Variants in MRTFB observed in about 807,000 individuals in gnomAD.
MRTFB encodes the protein myocardin related transcription factor B.
In MRTFB, 29 loss-of-function variants were observed where a neutral mutation model predicts 104.2. The observed-to-expected ratio is 0.28, with a 90% CI of 0.21 to 0.38. The LOEUF is 0.38. MRTFB is among the 10% of genes least tolerant of loss of function. The pLI, the probability that MRTFB is intolerant of heterozygous loss-of-function variation, is 1.00. For synonymous variants in MRTFB, 535 were observed against 519.5 expected, an observed-to-expected ratio of 1.03 and a Z score of -0.41; for missense variants, 1,270 against 1,341.6, an observed-to-expected ratio of 0.95 and a Z score of 0.83.
In MRTFB at chr16:14,261,227, A is replaced by G. The variant is rs2043765581; in HGVS notation, c.3083A>G (p.His1028Arg). Residue 1028 changes from histidine to arginine, a missense_variant, in exon 17 of 17, where the codon CAT becomes CGT. Transcript: ENST00000571589. ...DLLSHSGMLD[H>R]SHSPMETSET... Reference sequence around the variant, plus strand: ...CTGAGTCACTCAGGTATGCTGGACCATTCACACTCACCCATGGAGACTTCC... The same window carrying G: ...CTGAGTCACTCAGGTATGCTGGACCGTTCACACTCACCCATGGAGACTTCC... 6.2e-7 allele frequency: 1 copy of G among 1,614,052 alleles called. No individual in the cohort carries two copies. The highest frequency in any genetic ancestry group is 8.5e-7 in the Non-Finnish European group (1 of 1,180,036).
the MRTFB span, among the ~76,000 whole-genome samples, chr16:14,047,692 C>G: frequency 6.6e-6 from 1 of 152,192 alleles, no homozygotes; most frequent in Admixed American, 6.5e-5. Context: ...CATCAGAACT[C>G]ATGAGACTTA....
chr16:14,087,037 G>A (rs2034748650), intron 2 of MRTFB, among the ~76,000 whole-genome samples: 1 of 152,116 alleles, frequency 6.6e-6, no homozygotes, highest in African/African-American at 2.4e-5. Flanking sequence ...TACAGAATTT[G>A]TAGCAGTAGA....
At chr16:14,058,681 A>ATATT in the MRTFB span, among the ~76,000 whole-genome samples, 11 of 137,758 alleles carry the variant, frequency 8.0e-5, no homozygotes, top group Admixed American at 2.2e-4. Flanking sequence ...AAACTAAAAC[A>ATATT]TATTTATTTA....
At chr16:14,166,178 G>T (rs1156735929) in intron 3 of MRTFB, among the ~76,000 whole-genome samples, 1 of 151,202 alleles carries the variant, frequency 6.6e-6, no homozygotes, top group East Asian at 1.9e-4. Context: ...CTTGTGTGTG[G>T]AGGAGGAAAC....
chr16:14,106,310 TG>T (rs1378505479), intron 2 of MRTFB, among the ~76,000 whole-genome samples: 1 of 152,144 alleles, frequency 6.6e-6, no homozygotes, highest in Admixed American at 6.6e-5. Flanking sequence ...TGTAGCAATT[TG>T]CCAGTAGAGA....
intron 8 of MRTFB, among the ~76,000 whole-genome samples, chr16:14,226,953 C>G (rs372299101): frequency 2.0e-5 from 3 of 150,266 alleles, no homozygotes; most frequent in East Asian, 2.0e-4. Context: ...GCACTCCAGC[C>G]TGGGGGACAG....
At chr16:13,998,788 C>G in the MRTFB span, among the ~76,000 whole-genome samples, 1 of 137,580 alleles carries the variant, frequency 7.3e-6, no homozygotes, top group East Asian at 2.3e-4. Context: ...TGGCCTGTTT[C>G]TTAAGCCTGG....
At chr16:14,163,847 AAGC>A (rs2039133246) in intron 3 of MRTFB, among the ~76,000 whole-genome samples, 2 of 151,822 alleles carry the variant, frequency 1.3e-5, no homozygotes, top group Non-Finnish European at 2.9e-5. Flanking sequence ...AAAAAAAAAA[AAGC>A]AGCTTTTATT....
At chr16:14,204,490 T>A (rs12325407) in intron 3 of MRTFB, among the ~76,000 whole-genome samples, 2,583 of 152,326 alleles carry the variant, frequency 0.017, 82 homozygotes, top group African/African-American at 0.058. Flanking sequence ...TTGGATAAGC[T>A]ACCTTTCATT....
Position 14,247,432 on chromosome 16 carries a change from G to C in MRTFB, c.2172G>C (p.Gln724His). Residue 724 changes from glutamine (Q) to histidine (H), a missense_variant, in exon 12 of 17, where the codon CAG becomes CAC. This residue lies in a region of MRTFB where 1,144 missense variants were observed against 1,131.5 expected (regional missense o/e 1.01). Transcript: ENST00000571589. Reference protein sequence around the residue: ...PQALLTTQTAQLLLPVSIQGS... With the variant: ...PQALLTTQTAHLLLPVSIQGS... Reference sequence around the variant, plus strand: ...CTTTACTGACCACGCAGACTGCTCAGCTGCTGCTCCCAGTGTCCATCCAGG... The same window carrying C: ...CTTTACTGACCACGCAGACTGCTCACCTGCTGCTCCCAGTGTCCATCCAGG... The C allele has an allele frequency of 6.2e-7, 1 of 1,608,206 alleles. No homozygotes were observed.
intron 15 of MRTFB, among the ~76,000 whole-genome samples, chr16:14,253,999 A>G (rs1246503750): frequency 6.6e-6 from 1 of 152,196 alleles, no homozygotes; most frequent in Non-Finnish European, 1.5e-5. Context: ...AGTTTTTAAG[A>G]AAACAAAAAG....
intron 2 of MRTFB, among the ~76,000 whole-genome samples, chr16:14,127,913 ATATATATATATATATATTTTTTTT>A (rs1286829653): frequency 0.071 from 3,229 of 45,496 alleles, 127 homozygotes; most frequent in African/African-American, 0.26. Context: ...ATATATATAT[ATATATATATATATATATTTTTTTT>A]TTTTTTTTTT....
Position 14,234,170 on chromosome 16 carries a change from C to T in MRTFB, c.718C>T (p.Pro240Ser), listed in dbSNP as rs369314141. The T allele has an allele frequency of 6.2e-7, 1 of 1,613,956 alleles. No homozygotes were observed. Among genetic ancestry groups the T allele is most frequent in the African/African-American group, 1.3e-5 (1 of 74,894 alleles). The part of the protein sequence containing the change: ...AQFASVSPTV[P>S]EFLKTPPTAD... ...GTTTGCTTCAGTGTCCCCAACAGTT[C>T]CTGAATTCTTGAAAACTCCTCCAAC... Residue 240 changes from proline (P) to serine (S), a missense_variant, in exon 9 of 17, where the codon CCT becomes TCT. Physicochemically the swap from Pro to Ser is moderately conservative, Grantham distance 74 (BLOSUM62 -1). Transcript: ENST00000571589.
At chr16:14,232,822 C>G (rs956225529) in intron 8 of MRTFB, among the ~76,000 whole-genome samples, 20 of 152,246 alleles carry the variant, frequency 1.3e-4, no homozygotes, top group African/African-American at 3.9e-4. Context: ...AATAGCCCTC[C>G]AAGTTTTCAG....
chr16:14,136,228 T>G (rs1385398870), intron 2 of MRTFB, among the ~76,000 whole-genome samples: 1 of 151,668 alleles, frequency 6.6e-6, no homozygotes, highest in African/African-American at 2.4e-5. Flanking sequence ...GAGCCAAGAT[T>G]GTGCCACTGC....
At chr16:14,201,848 A>G (rs4127542) in intron 3 of MRTFB, among the ~76,000 whole-genome samples, 7,910 of 152,178 alleles carry the variant, frequency 0.052, 369 homozygotes, top group Admixed American at 0.14. Flanking sequence ...GATATTGTAA[A>G]TTATGCATTT....
chr16:14,256,598 AGGCCTCCCATCAAT>A (rs1467528177), intron 15 of MRTFB, among the ~76,000 whole-genome samples: 1 of 152,228 alleles, frequency 6.6e-6, no homozygotes, highest in African/African-American at 2.4e-5. Context: ...AGGGGCACTG[AGGCCTCCCATCAAT>A]GGCCAGCACT....
intron 13 of MRTFB, among the ~76,000 whole-genome samples, chr16:14,249,299 C>T (rs1000789230): frequency 3.9e-5 from 6 of 152,196 alleles, no homozygotes; most frequent in African/African-American, 1.2e-4. Flanking sequence ...AAAGATAGCT[C>T]GCCTTCGCAG....
rs539863637 is a variant in MRTFB at position 14,251,147 on chromosome 16, C to T, written c.2404-715C>T. Among the ~76,000 whole-genome samples, 7 of 151,908 alleles carry T rather than the reference C, an allele frequency of 4.6e-5. No homozygotes were observed. The South Asian group carries it at 1.0e-3, about 23-fold the overall frequency. On this transcript the variant is annotated intron_variant, in intron 13 of 16. Transcript: ENST00000571589. ...ATCCCAGCACTTTGGGAGGCCGAGG[C>T]GGGTGGATCACGAGGTCAGGAGATT... is the stretch of plus-strand genomic sequence containing the variant.
Sources: gnomAD v4.1 joint callset for allele counts (sites outside exome capture counted in the v4.1 genomes callset) on GRCh38, gnomAD v4.1.1 for gene constraint, gnomAD v4.1.1 regional missense constraint, MANE v1.5 for transcripts, NCBI Gene and HGNC (gene_info 2026-07-23, HGNC 2026-07-21) for gene names.